The following GRIP1 variants were observed in gnomAD, a reference collection of about 807,000 sequenced individuals.
GRIP1 encodes glutamate receptor-interacting protein 1.
Under a neutral mutation model 129.9 loss-of-function variants are expected in GRIP1, and 45 were observed. The ratio of observed to expected loss-of-function variants is 0.35; its 90% CI spans 0.27 to 0.44. The LOEUF (loss-of-function observed/expected upper bound fraction) is 0.44, where lower values mean the gene tolerates loss of function less well. GRIP1 is among the 20% of genes least tolerant of loss of function. The probability of loss-of-function intolerance (pLI) is 1.00; values close to 1 mark genes in which losing one functional copy is unlikely to be tolerated. For synonymous variants in GRIP1, 530 were observed against 520.8 expected (o/e 1.02, Z -0.24); for missense variants, 1,196 against 1,396.8 (o/e 0.86, Z 2.29).
At chr12:67,047,857 TG>T (rs571987034) in intron 1 of GRIP1, among the ~76,000 whole-genome samples, 10 of 152,232 alleles carry the variant, frequency 6.6e-5, no homozygotes, top group Non-Finnish European at 1.0e-4. Flanking sequence ...ATCATCAAAT[TG>T]CTTTCTCCAA....
At chr12:66,526,996 G>C (rs1379949604) in intron 5 of GRIP1, among the ~76,000 whole-genome samples, 1 of 138,308 alleles carries the variant, frequency 7.2e-6, no homozygotes, top group Non-Finnish European at 1.6e-5. Flanking sequence ...ATACCAGTTA[G>C]AATGGCGATC....
intron 1 of GRIP1, among the ~76,000 whole-genome samples, chr12:66,780,139 G>T (rs1478434064): frequency 1.3e-5 from 2 of 152,110 alleles, no homozygotes; most frequent in Non-Finnish European, 2.9e-5. Context: ...AAACCCTAAG[G>T]ACAACACATA....
rs191550197 is a variant in GRIP1, at chr12:67,059,772, C to T, written c.58+9278G>A. Among the ~76,000 whole-genome samples the T allele has an allele frequency of 9.3e-4, 141 of 152,324 alleles. 1 individual carries two copies. Among genetic ancestry groups the T allele is most frequent in the African/African-American group, 3.1e-3 (130 of 41,578 alleles). On this transcript the variant is annotated intron_variant, in intron 1 of 1. Coordinates refer to the GRIP1 transcript ENST00000643019. ...CCTTCTGAACCATTATCTCCAACCC[C>T]AGCTATATAAGTATACTCTAAACCA...
At chr12:66,505,131 G>A (rs2060493578) in intron 7 of GRIP1, among the ~76,000 whole-genome samples, 1 of 152,130 alleles carries the variant, frequency 6.6e-6, no homozygotes, top group Non-Finnish European at 1.5e-5. Context: ...ACCTTAAAAG[G>A]GGAGATTATG....
intron 1 of GRIP1, among the ~76,000 whole-genome samples, chr12:66,945,465 T>C (rs2041653164): frequency 6.6e-6 from 1 of 152,110 alleles, no homozygotes. Flanking sequence ...AGCATGGTGC[T>C]GCCACCTGCG....
intron 1 of GRIP1, among the ~76,000 whole-genome samples, chr12:66,622,480 C>A (rs1321305708): frequency 6.6e-6 from 1 of 152,044 alleles, no homozygotes; most frequent in East Asian, 1.9e-4. Flanking sequence ...ACCCCATTTA[C>A]CCTAATGTAA....
intron 1 of GRIP1, among the ~76,000 whole-genome samples, chr12:67,005,793 G>T (rs1420703191): frequency 6.6e-6 from 1 of 152,172 alleles, no homozygotes; most frequent in Non-Finnish European, 1.5e-5. Flanking sequence ...TATCCATCTT[G>T]CCCAGAGTCA....
rs11176164 is a variant in GRIP1 at position 66,380,933 on chromosome 12, G to A, written c.2465-1497C>T. On this transcript the variant is annotated intron_variant, in intron 19 of 24. Transcript: ENST00000359742. ...TAATACAGCAAACAGACCTGTACCC[G>A]CATTTTCAGGTACAGTTAAATGGCC... Among the ~76,000 whole-genome samples, 19 of 152,224 alleles carry A rather than the reference G, an allele frequency of 1.2e-4. No individual in the cohort carries two copies. In the East Asian group the frequency reaches 3.1e-3, roughly 25 times the overall value.
chr12:66,832,016 C>A (rs1295057238), intron 1 of GRIP1, among the ~76,000 whole-genome samples: 1 of 149,052 alleles, frequency 6.7e-6, no homozygotes, highest in Non-Finnish European at 1.5e-5. Context: ...TCCATCCAGA[C>A]TCACATTTGG....
chr12:66,395,580 G>T (rs935088064), intron 16 of GRIP1, among the ~76,000 whole-genome samples: 1 of 152,236 alleles, frequency 6.6e-6, no homozygotes, highest in Admixed American at 6.5e-5. Context: ...GGGAAGCAAT[G>T]TGTCCTCTCT....
intron 4 of GRIP1, among the ~76,000 whole-genome samples, chr12:66,535,632 C>T (rs772913567): frequency 9.9e-5 from 15 of 152,182 alleles, no homozygotes; most frequent in Non-Finnish European, 2.2e-4. Context: ...CCTTTACACT[C>T]TATTTTATTG....
At chr12:66,906,155 T>C (rs2040928743) in intron 1 of GRIP1, among the ~76,000 whole-genome samples, 1 of 152,202 alleles carries the variant, frequency 6.6e-6, no homozygotes, top group Non-Finnish European at 1.5e-5. Flanking sequence ...CTCATACCTG[T>C]AATCCCAGCA....
intron 13 of GRIP1, among the ~76,000 whole-genome samples, chr12:66,434,214 A>G (rs2058233615): frequency 6.6e-6 from 1 of 152,132 alleles, no homozygotes; most frequent in African/African-American, 2.4e-5. Flanking sequence ...CCACCTATAA[A>G]AAAGGATCCC....
chr12:66,972,633 C>T (rs1281610343), intron 1 of GRIP1, among the ~76,000 whole-genome samples: 1 of 152,228 alleles, frequency 6.6e-6, no homozygotes, highest in Non-Finnish European at 1.5e-5. Flanking sequence ...CTTCCTTCCA[C>T]ATAACAGCTC....
At chr12:66,655,962 T>C (rs2033129858) in intron 1 of GRIP1, among the ~76,000 whole-genome samples, 3 of 152,200 alleles carry the variant, frequency 2.0e-5, no homozygotes, top group South Asian at 2.1e-4. Context: ...TGTATTGATA[T>C]ATCATTTGAG....
At chr12:66,529,961 A>G (rs944598436) in intron 4 of GRIP1, 47 bp from the exon 5 acceptor site, 12 of 1,141,690 alleles carry the variant, frequency 1.1e-5, no homozygotes, top group East Asian at 2.3e-5. Flanking sequence ...AAGTCATCAT[A>G]ACATTTCTAA....
intron 15 of GRIP1, among the ~76,000 whole-genome samples, chr12:66,416,096 AC>A (rs1953668589): frequency 1.3e-5 from 2 of 152,116 alleles, no homozygotes; most frequent in Admixed American, 6.6e-5. Flanking sequence ...GAAAAAAAAA[AC>A]ACGACGAATT....
intron 5 of GRIP1, among the ~76,000 whole-genome samples, chr12:66,521,848 G>A (rs1468436432): frequency 6.6e-6 from 1 of 152,234 alleles, no homozygotes; most frequent in Admixed American, 6.5e-5. Context: ...CACACCAGGA[G>A]ATTATATCCC....
chr12:66,577,446 A>AT (rs940562877), intron 2 of GRIP1, among the ~76,000 whole-genome samples: 1 of 152,280 alleles, frequency 6.6e-6, no homozygotes, highest in African/African-American at 2.4e-5. Context: ...GCACGCACAT[A>AT]TTTTTTTAGG....
Sources: allele counts gnomAD v4.1 joint callset (sites outside exome capture counted in the v4.1 genomes callset), GRCh38; gene constraint gnomAD v4.1.1; transcripts MANE v1.5; gene names NCBI Gene and HGNC (gene_info 2026-07-23, HGNC 2026-07-21).